SH3D19: variants seen among roughly 807,000 people sequenced by gnomAD.
The protein encoded by SH3D19 is SH3 domain-containing protein 19.
Under a neutral mutation model 112.1 loss-of-function variants are expected in SH3D19, and 58 were observed. The observed-to-expected ratio is 0.52, with a 90% CI of 0.42 to 0.64. The LOEUF (loss-of-function observed/expected upper bound fraction) is 0.64. SH3D19 is among the 30% of genes least tolerant of loss of function. The pLI is 0.00. For missense variants in SH3D19, 1,090 were observed against 1,263.4 expected (o/e 0.86, Z 2.08); for synonymous variants, 391 against 448.5 (o/e 0.87, Z 1.62).
rs987776829 is a variant in SH3D19 at position 151,122,130 on chromosome 4, T to C, written c.3105A>G (p.Ile1035Met). 1 of 1,609,202 alleles carries C rather than the reference T, an allele frequency of 6.2e-7. No homozygotes were observed. The highest frequency in any genetic ancestry group is 8.5e-7 in the Non-Finnish European group (1 of 1,175,802). The change falls in exon 20 of 20, where the codon ATA (isoleucine) becomes ATG (methionine). Residue 1035 changes from isoleucine (I) to methionine (M), a missense_variant. Physicochemically the swap from Ile to Met is conservative, Grantham distance 10 (BLOSUM62 1). Transcript: ENST00000604030. Reference sequence around the variant, plus strand: ...GAAACTGTATGTAGTTTTTGGGAAATATTCCAGATTTTCCCATAAGTTCTC... The same window carrying C: ...GAAACTGTATGTAGTTTTTGGGAAACATTCCAGATTTTCCCATAAGTTCTC... ...MSGELMGKSG[I>M]FPKNYIQFLQ...
At chr4:151,152,664 A>G (rs1755277127) in intron 9 of SH3D19, among the ~76,000 whole-genome samples, 1 of 151,422 alleles carries the variant, frequency 6.6e-6, no homozygotes, top group Non-Finnish European at 1.5e-5. Flanking sequence ...GATTACAGGC[A>G]TGCGCCACCA....
intron 19 of SH3D19, among the ~76,000 whole-genome samples, chr4:151,127,364 G>T (rs563372497): frequency 6.6e-6 from 1 of 152,076 alleles, no homozygotes; most frequent in Non-Finnish European, 1.5e-5. Context: ...CAAGGAACAG[G>T]GATTACTTTG....
chr4:151,300,053 T>C (rs886592622), intron 1 of SH3D19, among the ~76,000 whole-genome samples: 3 of 151,826 alleles, frequency 2.0e-5, no homozygotes, highest in Non-Finnish European at 4.4e-5. Context: ...AATACAAAAT[T>C]AGCCAGGCGT....
chr4:151,205,803 C>T (rs969396094), intron 2 of SH3D19, among the ~76,000 whole-genome samples: 6 of 152,090 alleles, frequency 3.9e-5, no homozygotes, highest in African/African-American at 7.2e-5. Context: ...CACATCCACC[C>T]GTACAAGAAG....
chr4:151,235,857 G>C (rs1192184202), intron 1 of SH3D19, among the ~76,000 whole-genome samples: 2 of 152,184 alleles, frequency 1.3e-5, no homozygotes, highest in African/African-American at 4.8e-5. Context: ...CAAAGACAAT[G>C]TTATCTCATT....
At chr4:151,261,260 C>T (rs1269383029) in intron 1 of SH3D19, 1 of 152,256 alleles carries the variant, frequency 6.6e-6, no homozygotes, top group African/African-American at 2.4e-5. Context: ...TCTTCTGCTT[C>T]TCTTCTCAGG....
chr4:151,253,478 C>T (rs780919684), intron 1 of SH3D19, among the ~76,000 whole-genome samples: 7 of 152,220 alleles, frequency 4.6e-5, no homozygotes, highest in Non-Finnish European at 8.8e-5. Flanking sequence ...CAGTGGCTCA[C>T]GCCTGTAATC....
At chr4:151,156,705 A>G (rs1033215583) in intron 9 of SH3D19, among the ~76,000 whole-genome samples, 25 of 152,228 alleles carry the variant, frequency 1.6e-4, no homozygotes, top group Non-Finnish European at 7.3e-5. Context: ...TGAAACAATA[A>G]AACTACTAGA....
intron 1 of SH3D19, among the ~76,000 whole-genome samples, chr4:151,289,653 A>C (rs2150017440): frequency 6.6e-6 from 1 of 152,356 alleles, no homozygotes; most frequent in Admixed American, 6.5e-5. Flanking sequence ...TGTTGGTGGT[A>C]ATATAAAATG....
In SH3D19 at chr4:151,292,183, C is replaced by T. The variant is rs115541204; in HGVS notation, c.112+33058G>A. ...GAATGGTGGCATGTGCCTGTGGTCT[C>T]AGCTACTTGGGAAGCTGTGGTGGAA... On this transcript the variant is annotated intron_variant, in intron 1 of 19. Transcript: ENST00000604030. 8.9e-3 allele frequency among the ~76,000 whole-genome samples: 1,346 copies of T among 152,032 alleles called. 18 individuals carry two copies. The highest frequency in any genetic ancestry group is 0.031 in the South Asian group (148 of 4,816).
At chr4:151,293,486 A>G (rs1298330851) in intron 1 of SH3D19, among the ~76,000 whole-genome samples, 2 of 152,004 alleles carry the variant, frequency 1.3e-5, no homozygotes, top group Non-Finnish European at 2.9e-5. Context: ...AAAAAAAAAA[A>G]GTAAGGGTAG....
intron 1 of SH3D19, among the ~76,000 whole-genome samples, chr4:151,306,992 CTG>C (rs974940492): frequency 1.3e-5 from 2 of 150,906 alleles, no homozygotes; most frequent in African/African-American, 4.9e-5. Flanking sequence ...GCAGCAGCTG[CTG>C]CAATCACTCC....
chr4:151,195,417 A>G (rs1237077331), intron 2 of SH3D19, among the ~76,000 whole-genome samples: 1 of 150,440 alleles, frequency 6.6e-6, no homozygotes, highest in Non-Finnish European at 1.5e-5. Context: ...AAAAAGAGTT[A>G]ACCTTAATTT....
At chr4:151,270,328 G>A (rs1366065606) in intron 1 of SH3D19, among the ~76,000 whole-genome samples, 1 of 152,058 alleles carries the variant, frequency 6.6e-6, no homozygotes, top group African/African-American at 2.4e-5. Context: ...TCAAAATAGT[G>A]TGTGACTTCT....
intron 1 of SH3D19, among the ~76,000 whole-genome samples, chr4:151,247,717 G>T (rs936547371): frequency 6.6e-6 from 1 of 152,122 alleles, no homozygotes; most frequent in Non-Finnish European, 1.5e-5. Context: ...TAACTTTAAT[G>T]TATATAAACA....
chr4:151,317,901 G>A (rs1481624300), intron 1 of SH3D19, among the ~76,000 whole-genome samples: 1 of 152,018 alleles, frequency 6.6e-6, no homozygotes, highest in African/African-American at 2.4e-5. Flanking sequence ...TGACGCAGGA[G>A]AATCGCTTGA....
chr4:151,313,407 T>G (rs566770143), intron 1 of SH3D19, among the ~76,000 whole-genome samples: 21 of 150,206 alleles, frequency 1.4e-4, no homozygotes, highest in East Asian at 5.8e-4. Context: ...TTTTATGTAT[T>G]TATTTATTTA....
At chr4:151,265,549 A>T (rs138429864) in intron 1 of SH3D19, among the ~76,000 whole-genome samples, 40 of 142,038 alleles carry the variant, frequency 2.8e-4, no homozygotes, top group African/African-American at 9.7e-4. Context: ...ATTAATCCTT[A>T]TATTTATTTT....
chr4:151,300,281 T>C lies in SH3D19; in HGVS notation c.112+24960A>G, dbSNP rs373358957. ...CCTATTGAGCAGCAGGATGGGAGCA[T>C]TGTGCATTGGACTATGCGTGATACT... is the stretch of plus-strand genomic sequence containing the variant. On this transcript the variant is annotated intron_variant, in intron 1 of 19. Coordinates refer to ENST00000604030, the MANE Select transcript of SH3D19 (RefSeq NM_001378122.1). Among the ~76,000 whole-genome samples the C allele has an allele frequency of 2.4e-4, 36 of 152,248 alleles. 1 individual carries two copies. The highest frequency in any genetic ancestry group is 1.5e-3 in the South Asian group (7 of 4,816).
Sources: allele counts gnomAD v4.1 joint callset (sites outside exome capture counted in the v4.1 genomes callset), GRCh38; gene constraint gnomAD v4.1.1; transcripts MANE v1.5; gene names NCBI Gene and HGNC (gene_info 2026-07-23, HGNC 2026-07-21).